The following ADARB1 variants were observed in gnomAD, a reference collection of about 807,000 sequenced individuals.
ADARB1 encodes double-stranded RNA-specific editase 1.
In ADARB1, 10 loss-of-function variants were observed where a neutral mutation model predicts 52.4. The ratio of observed to expected loss-of-function variants is 0.19; its 90% CI spans 0.12 to 0.32. The LOEUF (loss-of-function observed/expected upper bound fraction) is 0.32, where lower values mean the gene tolerates loss of function less well. Among genes scored for constraint, ADARB1 ranks in the 10% least tolerant of loss-of-function variants. The probability of loss-of-function intolerance (pLI) is 1.00; values close to 1 mark genes in which losing one functional copy is unlikely to be tolerated. For synonymous variants in ADARB1, 349 were observed against 371.1 expected (o/e 0.94, Z 0.68); for missense variants, 643 against 922.3 (o/e 0.70, Z 3.92).
chr21:45,209,717 A>T lies in ADARB1; in HGVS notation c.1747+4981A>T, dbSNP rs541254275. Among the ~76,000 whole-genome samples the T allele has an allele frequency of 2.0e-3, 311 of 152,320 alleles. 1 individual carries two copies. Among genetic ancestry groups the T allele is most frequent in the African/African-American group, 7.1e-3 (296 of 41,574 alleles). On this transcript the variant is annotated intron_variant, in intron 9 of 10. Coordinates refer to ENST00000348831, the MANE Select transcript of ADARB1 (RefSeq NM_001112.4). ...TTCCCTAAAATTCAGGAATTTCAAC[A>T]GATTAAGCCTAGGTGTGTGGTTAGT...
At chr21:45,181,601 T>G (rs1388494744) in intron 5 of ADARB1, 2 of 152,494 alleles carry the variant, frequency 1.3e-5, no homozygotes, top group Admixed American at 1.3e-4. Context: ...TTGTTTTGTT[T>G]TTGTTGTTGT....
At chr21:45,136,455 C>T (rs929465016) in intron 2 of ADARB1, among the ~76,000 whole-genome samples, 2 of 152,216 alleles carry the variant, frequency 1.3e-5, no homozygotes, top group Non-Finnish European at 2.9e-5. Context: ...GGAACTGCTG[C>T]TTGTGAAGTG....
intron 2 of ADARB1, among the ~76,000 whole-genome samples, chr21:45,148,115 C>T (rs376716710): frequency 6.6e-6 from 1 of 152,210 alleles, no homozygotes; most frequent in Non-Finnish European, 1.5e-5. Context: ...GGCTCTGCTT[C>T]CCCGAGGATC....
intron 8 of ADARB1, among the ~76,000 whole-genome samples, chr21:45,197,460 A>T (rs1464316935): frequency 2.0e-5 from 3 of 151,604 alleles, no homozygotes; most frequent in Non-Finnish European, 4.4e-5. Flanking sequence ...AGATCACGCC[A>T]CTGCGCTCCA....
chr21:45,178,051 T>C (rs947250903), intron 4 of ADARB1, among the ~76,000 whole-genome samples: 2 of 152,212 alleles, frequency 1.3e-5, no homozygotes, highest in African/African-American at 2.4e-5. Context: ...GTTCAAAATA[T>C]TGTCTGATGT....
In ADARB1 at chr21:45,224,923, T is replaced by C; in HGVS notation, c.*2726T>C. 3 of 984,410 alleles carry C rather than the reference T, an allele frequency of 3.0e-6. No individual in the cohort carries two copies. The highest frequency in any genetic ancestry group is 3.6e-6 in the Non-Finnish European group (3 of 829,838). The allele number at this position is 984,410 out of a possible 1,614,324, so 61.0% of individuals were successfully genotyped here. Reference sequence around the variant, plus strand: ...TGTGCACTTTTAGACTATAGCTGTTTCATTGACGTGTCACTCTCCATCCAG... The same window carrying C: ...TGTGCACTTTTAGACTATAGCTGTTCCATTGACGTGTCACTCTCCATCCAG... On this transcript the variant is annotated 3_prime_UTR_variant, in exon 11 of 11. Coordinates refer to ENST00000348831, the MANE Select transcript of ADARB1 (RefSeq NM_001112.4).
intron 2 of ADARB1, among the ~76,000 whole-genome samples, chr21:45,141,088 C>T (rs1256212454): frequency 2.6e-5 from 4 of 152,162 alleles, no homozygotes; most frequent in Non-Finnish European, 5.9e-5. Context: ...GTCCCAGCTA[C>T]TCGAGAGGCT....
At chr21:45,190,376 C>A (rs1461994494) in intron 8 of ADARB1, among the ~76,000 whole-genome samples, 1 of 152,096 alleles carries the variant, frequency 6.6e-6, no homozygotes, top group Non-Finnish European at 1.5e-5. Context: ...ATGTTCTCTT[C>A]TAGCTCATTA....
chr21:45,097,833 C>T (rs529746285), intron 1 of ADARB1, among the ~76,000 whole-genome samples: 47 of 152,252 alleles, frequency 3.1e-4, no homozygotes, highest in African/African-American at 1.1e-3. Flanking sequence ...AAGGAGAGTG[C>T]CTTTGCCTTT....
At chr21:45,198,076 A>G (rs936679602) in intron 8 of ADARB1, among the ~76,000 whole-genome samples, 1 of 152,250 alleles carries the variant, frequency 6.6e-6, no homozygotes, top group African/African-American at 2.4e-5. Context: ...AAATGCTTAT[A>G]TAAGTAAATG....
At chr21:45,152,479 C>T (rs948104136) in intron 2 of ADARB1, 2 of 237,944 alleles carry the variant, frequency 8.4e-6, no homozygotes, top group South Asian at 7.5e-5. Flanking sequence ...GAGGAGGAGG[C>T]TCCCTCGTCG....
intron 8 of ADARB1, among the ~76,000 whole-genome samples, chr21:45,191,862 ATATATATATATATATATATTTTTTTTTTT>A (rs2092292919): frequency 4.8e-5 from 1 of 20,846 alleles, no homozygotes; most frequent in Non-Finnish European, 1.0e-4. Context: ...ATATATATAT[ATATATATATATATATATATTTTTTTTTTT>A]TTTTTTTTTT....
chr21:45,095,932 T>A (rs1230600680), intron 1 of ADARB1, among the ~76,000 whole-genome samples: 1 of 152,174 alleles, frequency 6.6e-6, no homozygotes, highest in Non-Finnish European at 1.5e-5. Flanking sequence ...CTGTTGGGGC[T>A]TTATATTTAG....
At position 45,170,115 on chromosome 21, in the gene ADARB1, A is replaced by G. The variant is rs140648439; in HGVS notation, c.-47-1495A>G. Among the ~76,000 whole-genome samples the G allele has an allele frequency of 1.6e-3, 247 of 152,364 alleles. 3 individuals carry two copies. The highest frequency in any genetic ancestry group is 5.8e-3 in the African/African-American group (240 of 41,576). On this transcript the variant is annotated intron_variant, in intron 2 of 10. Transcript: ENST00000348831. ...AGAACTCTGCATGCCCGTCAGCCAC[A>G]TCAGTAATTACCAACCAGGGCCCAT...
intron 3 of ADARB1, among the ~76,000 whole-genome samples, chr21:45,174,029 C>T (rs1304518353): frequency 5.9e-5 from 9 of 152,266 alleles, no homozygotes; most frequent in African/African-American, 2.2e-4. Flanking sequence ...CAAAGATTGG[C>T]AGCCAAGGGC....
chr21:45,141,957 G>T (rs939911945), intron 2 of ADARB1, among the ~76,000 whole-genome samples: 1 of 151,672 alleles, frequency 6.6e-6, no homozygotes, highest in Admixed American at 6.6e-5. Context: ...AGCCATTTGT[G>T]GGTCACCTTA....
chr21:45,123,442 T>TA (rs1350346401), intron 1 of ADARB1, among the ~76,000 whole-genome samples: 1 of 152,218 alleles, frequency 6.6e-6, no homozygotes, highest in East Asian at 1.9e-4. Context: ...CAGTTGGGAT[T>TA]ACAGACATGA....
At chr21:45,213,960 CTATT>C (rs2092816153) in intron 9 of ADARB1, among the ~76,000 whole-genome samples, 1 of 152,158 alleles carries the variant, frequency 6.6e-6, no homozygotes. Context: ...TTTTAGAAAA[CTATT>C]AACCTGTTTT....
chr21:45,142,412 G>A lies in ADARB1; in HGVS notation c.-48+13839G>A, dbSNP rs1001259657. On this transcript the variant is annotated intron_variant, in intron 2 of 10. Transcript: ENST00000348831. The surrounding 1 kb of genome is among the most constrained non-coding windows in gnomAD (Gnocchi z 4.0). The stretch of plus-strand genomic sequence containing the variant: ...GTAGACTGAAAGTTATACTTAGTCT[G>A]TTCTGTTTGAAACCATTCTCATTCA... Among the ~76,000 whole-genome samples the A allele has an allele frequency of 6.6e-6, 1 of 152,214 alleles. No individual in the cohort carries two copies. Among genetic ancestry groups the A allele is most frequent in the South Asian group, 2.1e-4 (1 of 4,830 alleles).
Sources: gnomAD v4.1 joint callset for allele counts (sites outside exome capture counted in the v4.1 genomes callset) on GRCh38, gnomAD v4.1.1 for gene constraint, Gnocchi (gnomAD v3.1) non-coding constraint, MANE v1.5 for transcripts, NCBI Gene and HGNC (gene_info 2026-07-23, HGNC 2026-07-21) for gene names.